The following WWOX variants were observed in gnomAD, a reference collection of about 807,000 sequenced individuals.
WWOX encodes the protein WW domain containing oxidoreductase.
WWOX carries 69 observed loss-of-function variants against 46.2 expected under a neutral mutation model. The ratio of observed to expected loss-of-function variants is 1.49; its 90% confidence interval spans 1.23 to 1.82. WWOX has a LOEUF of 1.82. Among genes scored for constraint, WWOX ranks in the 40% most tolerant of loss-of-function variants. The probability of loss-of-function intolerance (pLI) is 0.00; values close to 1 mark genes in which losing one functional copy is unlikely to be tolerated. For missense variants in WWOX, 919 were observed against 542.6 expected (o/e 1.69, Z -6.89); for synonymous variants, 359 against 202.6 (o/e 1.77, Z -6.56).
At position 78,687,356 on chromosome 16, in the gene WWOX, G is replaced by T. The variant is rs570563092; in HGVS notation, c.1056+254604G>T. ...AAGCATTGTACCTATCGAAAGAAGA[G>T]AATCGAAAATGCGAAAGTCCTTCAT... On this transcript the variant is annotated intron_variant, in intron 8 of 8. Coordinates refer to ENST00000566780, the MANE Select transcript of WWOX (RefSeq NM_016373.4). 5.7e-4 allele frequency among the ~76,000 whole-genome samples: 87 copies of T among 152,326 alleles called. 1 individual carries two copies. In the South Asian group the frequency reaches 0.018, roughly 31 times the overall value.
intron 8 of WWOX, among the ~76,000 whole-genome samples, chr16:78,555,603 C>G (rs1190935210): frequency 8.7e-6 from 1 of 115,174 alleles, no homozygotes; most frequent in Non-Finnish European, 1.9e-5. Flanking sequence ...TTTTTTTTTA[C>G]TACTTGCATT....
In WWOX at chr16:78,582,286, T is replaced by C. The variant is rs567867154; in HGVS notation, c.1056+149534T>C. ...TCTATACTTTTGATAGCAATTGCTG[T>C]TGGATTATGTTACGCTTGTCATCTG... On this transcript the variant is annotated intron_variant, in intron 8 of 8. Coordinates refer to ENST00000566780, the MANE Select transcript of WWOX (RefSeq NM_016373.4). Among the ~76,000 whole-genome samples, 3 of 152,304 alleles carry C rather than the reference T, an allele frequency of 2.0e-5. No individual in the cohort carries two copies. The South Asian group carries it at 6.2e-4, about 32-fold the overall frequency.
At chr16:78,388,481 A>G (rs1435005173) in intron 6 of WWOX, among the ~76,000 whole-genome samples, 2 of 151,728 alleles carry the variant, frequency 1.3e-5, no homozygotes, top group African/African-American at 4.8e-5. Flanking sequence ...CCCCATCTCT[A>G]CTAAAGATAC....
chr16:78,409,907 C>A (rs773505474), intron 6 of WWOX, among the ~76,000 whole-genome samples: 2 of 152,178 alleles, frequency 1.3e-5, no homozygotes, highest in Non-Finnish European at 2.9e-5. Flanking sequence ...CTGTGCTTAC[C>A]TAGATTATCT....
intron 8 of WWOX, among the ~76,000 whole-genome samples, chr16:78,810,080 A>AT (rs2142701137): frequency 6.6e-6 from 1 of 152,352 alleles, no homozygotes; most frequent in East Asian, 1.9e-4. Flanking sequence ...CTTGATGGAA[A>AT]TTTCCAGACC....
At position 78,156,895 on chromosome 16, in the gene WWOX, C is replaced by T. The variant is rs199767546; in HGVS notation, c.410-7288C>T. On this transcript the variant is annotated intron_variant, in intron 4 of 8. Coordinates refer to ENST00000566780, the MANE Select transcript of WWOX (RefSeq NM_016373.4). ...GCAGAGGTTGCAGATTGCACCGCTG[C>T]ACTCCAGCCCGGGTGACAGAGTGAG... Among the ~76,000 whole-genome samples the T allele has an allele frequency of 4.6e-5, 7 of 152,264 alleles. No homozygotes were observed. The East Asian group carries it at 9.7e-4, about 21-fold the overall frequency.
intron 8 of WWOX, among the ~76,000 whole-genome samples, chr16:79,129,405 T>C (rs1426109176): frequency 6.8e-6 from 1 of 147,640 alleles, no homozygotes; most frequent in African/African-American, 2.5e-5. Flanking sequence ...GGAACGATCT[T>C]GATGTATCTA....
intron 8 of WWOX, chr16:79,106,471 G>C (rs1233085720): frequency 6.6e-6 from 1 of 151,814 alleles, no homozygotes; most frequent in African/African-American, 2.4e-5. Context: ...ACACTTTTTG[G>C]TCCCTGAAAT....
intron 8 of WWOX, among the ~76,000 whole-genome samples, chr16:78,643,741 A>G (rs1397684709): frequency 2.0e-5 from 3 of 151,960 alleles, no homozygotes; most frequent in African/African-American, 7.3e-5. Flanking sequence ...AGGAAGCCCT[A>G]GACTTCTTGT....
chr16:78,418,347 G>A (rs536892491), intron 6 of WWOX, among the ~76,000 whole-genome samples: 1 of 150,530 alleles, frequency 6.6e-6, no homozygotes, highest in East Asian at 2.0e-4. Flanking sequence ...CTGGGCAGGA[G>A]ACAGAGTAAG....
chr16:79,075,151 G>T (rs142943502), intron 8 of WWOX, among the ~76,000 whole-genome samples: 1 of 152,178 alleles, frequency 6.6e-6, no homozygotes, highest in Non-Finnish European at 1.5e-5. Context: ...ACAACCAACT[G>T]AATTAGAATC....
At chr16:78,590,078 C>A (rs1195491294) in intron 8 of WWOX, among the ~76,000 whole-genome samples, 1 of 151,550 alleles carries the variant, frequency 6.6e-6, no homozygotes, top group Non-Finnish European at 1.5e-5. Flanking sequence ...TGATGCCTAT[C>A]CTTAAGGAGA....
At chr16:78,440,116 G>T (rs756543602) in intron 8 of WWOX, among the ~76,000 whole-genome samples, 1 of 152,200 alleles carries the variant, frequency 6.6e-6, no homozygotes, top group Non-Finnish European at 1.5e-5. Flanking sequence ...GAGGAAAAAG[G>T]ATAGGGTAAT....
chr16:78,150,313 CT>C (rs1422052350), intron 4 of WWOX, among the ~76,000 whole-genome samples: 3 of 152,308 alleles, frequency 2.0e-5, no homozygotes, highest in African/African-American at 7.2e-5. Flanking sequence ...CGGCATGCCC[CT>C]CTCCAGGCAC....
At chr16:78,928,343 C>T (rs975759320) in intron 8 of WWOX, among the ~76,000 whole-genome samples, 3 of 151,522 alleles carry the variant, frequency 2.0e-5, no homozygotes, top group African/African-American at 7.3e-5. Flanking sequence ...GCTGGGACTA[C>T]AGGCGCCCGC....
At chr16:78,932,801 C>T (rs1334992420) in intron 8 of WWOX, among the ~76,000 whole-genome samples, 1 of 152,298 alleles carries the variant, frequency 6.6e-6, no homozygotes, top group South Asian at 2.1e-4. Context: ...TCCCAAGCCC[C>T]TCCTGTAGAA....
chr16:78,420,566 T>C (rs2082901080), intron 6 of WWOX, among the ~76,000 whole-genome samples: 1 of 151,606 alleles, frequency 6.6e-6, no homozygotes, highest in African/African-American at 2.4e-5. Flanking sequence ...ATGTCCGGAA[T>C]AGGCGAATCT....
intron 8 of WWOX, among the ~76,000 whole-genome samples, chr16:78,827,154 T>A (rs1348271770): frequency 6.6e-6 from 1 of 151,964 alleles, no homozygotes; most frequent in Non-Finnish European, 1.5e-5. Flanking sequence ...ATTTAGCTGT[T>A]CCCCCAACTG....
In WWOX at chr16:78,725,311, C is replaced by CT. The variant is rs1016172792; in HGVS notation, c.1056+292568dup. On this transcript the variant is annotated intron_variant, in intron 8 of 8. Coordinates refer to ENST00000566780, the MANE Select transcript of WWOX (RefSeq NM_016373.4). ...ATAAATTACCCAGTCTCAGGTATGT[C>CT]TTTTTTTTTCCTTTTTTCTTTTCTT... Among the ~76,000 whole-genome samples the CT allele has an allele frequency of 1.6e-3, 177 of 110,792 alleles. 2 individuals carry two copies. Among genetic ancestry groups the CT allele is most frequent in the South Asian group, 8.1e-3 (27 of 3,354 alleles). The allele number at this position is 110,792 out of a possible 152,430, so 72.7% of individuals were successfully genotyped here.
Sources: allele counts gnomAD v4.1 joint callset (sites outside exome capture counted in the v4.1 genomes callset), GRCh38; gene constraint gnomAD v4.1.1; transcripts MANE v1.5; gene names NCBI Gene and HGNC (gene_info 2026-07-23, HGNC 2026-07-21).